ANO1: variants seen among roughly 807,000 people sequenced by gnomAD.
ANO1 encodes anoctamin-1.
A neutral mutation model predicts 124.0 loss-of-function variants in ANO1; 59 were observed. The observed-to-expected ratio is 0.48, with a 90% CI of 0.39 to 0.59. The LOEUF is 0.59. ANO1 is among the 20% of genes least tolerant of loss of function. The pLI, the probability that ANO1 is intolerant of heterozygous loss-of-function variation, is 0.00. For synonymous variants in ANO1, 529 were observed against 532.0 expected, an observed-to-expected ratio of 0.99 and a Z score of 0.08; for missense variants, 1,059 against 1,328.0, an observed-to-expected ratio of 0.80 and a Z score of 3.15.
At chr11:69,996,114 A>AAACC (rs1293250262) in intron 1 of ANO1, among the ~76,000 whole-genome samples, 10 of 151,728 alleles carry the variant, frequency 6.6e-5, no homozygotes, top group African/African-American at 2.4e-4. Context: ...GTCTCAAAAC[A>AAACC]AACCAACCAA....
intron 1 of ANO1, among the ~76,000 whole-genome samples, chr11:70,038,748 C>T (rs1271629157): frequency 3.3e-5 from 5 of 152,254 alleles, no homozygotes; most frequent in East Asian, 3.9e-4. Flanking sequence ...CTTTCAAAAC[C>T]GCAGGACCAG....
Position 70,161,293 on chromosome 11 carries a change from ATCAACCT to A in ANO1, c.1712_1718del (p.Ile571LysfsTer14). The stretch of plus-strand genomic sequence containing the variant: ...CACAGTCACAGCCACCGCAGTCATC[ATCAACCT>A]AGTGGTCATCATCCTCCTGGACGAG... On this transcript the variant is annotated frameshift_variant, in exon 17 of 26. Coordinates refer to ENST00000355303, the MANE Select transcript of ANO1 (RefSeq NM_018043.7). LOFTEE classifies it high-confidence loss of function. 1 of 1,613,858 alleles carries A rather than the reference ATCAACCT, an allele frequency of 6.2e-7. No individual in the cohort carries two copies. The highest frequency in any genetic ancestry group is 2.2e-5 in the East Asian group (1 of 44,880).
upstream of ANO1, among the ~76,000 whole-genome samples, chr11:69,985,324 C>T (rs932987035): frequency 4.5e-5 from 6 of 134,442 alleles, no homozygotes; most frequent in African/African-American, 1.4e-4. Flanking sequence ...CTGTGGCTTG[C>T]GGGAGGGAAC....
intron 20 of ANO1, among the ~76,000 whole-genome samples, chr11:70,165,952 G>A (rs2048239477): frequency 6.6e-6 from 1 of 152,044 alleles, no homozygotes; most frequent in African/African-American, 2.4e-5. Flanking sequence ...CCCAGGAGTT[G>A]CAAGCTGCAG....
intron 18 of ANO1, among the ~76,000 whole-genome samples, 191 bp downstream of exon 18, chr11:70,161,924 G>A (rs996100111): frequency 6.6e-6 from 1 of 152,210 alleles, no homozygotes; most frequent in African/African-American, 2.4e-5. Context: ...GGGCAGCAGG[G>A]AGTCCAGGTG....
At chr11:70,072,309 C>T (rs890200233) in intron 1 of ANO1, 1 of 152,292 alleles carries the variant, frequency 6.6e-6, no homozygotes, top group East Asian at 1.9e-4. Context: ...AGCCCAGCAG[C>T]TCGGCTGCAG....
intron 8 of ANO1, among the ~76,000 whole-genome samples, chr11:70,118,888 A>G (rs1214775107): frequency 1.4e-4 from 18 of 126,878 alleles, no homozygotes; most frequent in African/African-American, 3.0e-4. Flanking sequence ...GTGGGTGAGC[A>G]GGTAGGTGGA....
At chr11:70,100,649 C>T (rs778769786) in intron 2 of ANO1, among the ~76,000 whole-genome samples, 2 of 152,288 alleles carry the variant, frequency 1.3e-5, no homozygotes, top group South Asian at 2.1e-4. Flanking sequence ...AGGAGGATCC[C>T]GCAATGGCCA....
chr11:70,033,894 ACATCTGCTGTCACTATCTTGAC>A (rs1303373413), intron 1 of ANO1, among the ~76,000 whole-genome samples: 4 of 152,034 alleles, frequency 2.6e-5, no homozygotes, highest in Admixed American at 6.6e-5. Context: ...ACCATCTTGA[ACATCTGCTGTCACTATCTTGAC>A]CATCTGCTGT....
intron 10 of ANO1, 60 bp from the exon 11 acceptor site, chr11:70,131,859 C>T (rs2046770489): frequency 6.4e-7 from 1 of 1,550,388 alleles, no homozygotes; most frequent in African/African-American, 1.4e-5. Flanking sequence ...AGCTCGGCAC[C>T]CAGGAGGTGC....
At chr11:70,111,674 C>T (rs184012436) in intron 6 of ANO1, 33 bp from the exon 7 acceptor site, 23 of 1,611,226 alleles carry the variant, frequency 1.4e-5, no homozygotes, top group Non-Finnish European at 8.5e-7. Flanking sequence ...GACCCGCCTG[C>T]CCCATAACCT....
chr11:70,140,936 T>C (rs2155448), intron 11 of ANO1, among the ~76,000 whole-genome samples: 77,631 of 151,924 alleles, frequency 0.51, 20,524 homozygotes, highest in Non-Finnish European at 0.59. Context: ...CGGCCTCATT[T>C]TTCCTAGTCC....
chr11:70,027,951 G>T (rs1555003394), intron 1 of ANO1, among the ~76,000 whole-genome samples: 1 of 152,154 alleles, frequency 6.6e-6, no homozygotes, highest in African/African-American at 2.4e-5. Context: ...TCTGGGTTTT[G>T]GGTCTCTGTG....
At chr11:70,028,161 C>T (rs11237181) in intron 1 of ANO1, among the ~76,000 whole-genome samples, 42,547 of 152,050 alleles carry the variant, frequency 0.28, 6,476 homozygotes, top group East Asian at 0.63. Flanking sequence ...AGGTGTGACC[C>T]GAAGTGTCTT....
intron 22 of ANO1, 102 bp downstream of exon 22, chr11:70,171,141 T>C: frequency 6.9e-7 from 1 of 1,449,970 alleles, no homozygotes; most frequent in Non-Finnish European, 9.3e-7. Flanking sequence ...TGGCCAGGTG[T>C]CCCTCCTGGG....
chr11:69,974,014 C>T, the ANO1 span, among the ~76,000 whole-genome samples: 5 of 152,014 alleles, frequency 3.3e-5, no homozygotes, highest in African/African-American at 1.2e-4. Context: ...TTCAGAAAGT[C>T]AGATATTAAA....
At chr11:70,069,099 G>C (rs1857803855) in intron 1 of ANO1, among the ~76,000 whole-genome samples, 1 of 152,230 alleles carries the variant, frequency 6.6e-6, no homozygotes, top group Non-Finnish European at 1.5e-5. Context: ...CACTCACAGA[G>C]GGCCCGGGGC....
rs1475390333 is a variant in ANO1, at chr11:70,006,235, A to G, written c.58+20069A>G. ...GCAGGAACTAGTCCAGGACTTTCAC[A>G]TCCAATTTGATGCTAAAACTTTCTT... On this transcript the variant is annotated intron_variant, in intron 1 of 27. Coordinates refer to the ANO1 transcript ENST00000531349. Among the ~76,000 whole-genome samples the G allele has an allele frequency of 2.6e-5, 4 of 152,310 alleles. No homozygotes were observed. In the East Asian group the frequency reaches 5.8e-4, roughly 22 times the overall value.
In ANO1 at chr11:70,087,805, C is replaced by T. The variant is rs1451696175; in HGVS notation, c.162C>T (p.Tyr54=). 2.5e-6 allele frequency: 4 copies of T among 1,612,890 alleles called. No individual in the cohort carries two copies. Among genetic ancestry groups the T allele is most frequent in the African/African-American group, 2.7e-5 (2 of 74,920 alleles). ...DPDAECKYGL[Y]FRDGRRKVDY... Reference sequence around the variant, plus strand: ...ATGCCGAGTGCAAGTATGGCCTGTACTTCAGGGACGGCCGGCGCAAGGTGG... The same window carrying T: ...ATGCCGAGTGCAAGTATGGCCTGTATTTCAGGGACGGCCGGCGCAAGGTGG... Residue 54 remains tyrosine, a synonymous_variant, in exon 2 of 26, where the codon TAC becomes TAT. Transcript: ENST00000355303.
Sources: allele counts gnomAD v4.1 joint callset (sites outside exome capture counted in the v4.1 genomes callset), GRCh38; gene constraint gnomAD v4.1.1; transcripts MANE v1.5; gene names NCBI Gene and HGNC (gene_info 2026-07-23, HGNC 2026-07-21).